The following PDE8B variants were observed in gnomAD, a reference collection of about 807,000 sequenced individuals.
The protein encoded by PDE8B is high affinity cAMP-specific and IBMX-insensitive 3',5'-cyclic phosphodiesterase 8B.
In PDE8B, 26 loss-of-function variants were observed where a neutral mutation model predicts 101.3. The observed-to-expected ratio is 0.26, with a 90% CI of 0.19 to 0.36. The LOEUF (loss-of-function observed/expected upper bound fraction) is 0.36, where lower values mean the gene tolerates loss of function less well. Among genes scored for constraint, PDE8B ranks in the 10% least tolerant of loss-of-function variants. The probability of loss-of-function intolerance (pLI) is 1.00; values close to 1 mark genes in which losing one functional copy is unlikely to be tolerated. For synonymous variants in PDE8B, 424 were observed against 429.3 expected (o/e 0.99, Z 0.15); for missense variants, 810 against 1,163.1 (o/e 0.70, Z 4.42).
At position 77,323,074 on chromosome 5, in the gene PDE8B, A is replaced by G. The variant is rs561435571; in HGVS notation, c.400-2465A>G. On this transcript the variant is annotated intron_variant, in intron 2 of 21. Coordinates refer to ENST00000264917, the MANE Select transcript of PDE8B (RefSeq NM_003719.5). The stretch of plus-strand genomic sequence containing the variant: ...AAATGTTTCACCTTTTTTGACTTCT[A>G]GGTTTGGCATATTGAGTTTCTTGTG... 3.3e-4 allele frequency among the ~76,000 whole-genome samples: 50 copies of G among 152,340 alleles called. No homozygotes were observed. The South Asian group carries it at 9.5e-3, about 29-fold the overall frequency.
chr5:77,227,225 AT>A (rs1561377027), intron 1 of PDE8B, among the ~76,000 whole-genome samples: 1 of 152,186 alleles, frequency 6.6e-6, no homozygotes, highest in Non-Finnish European at 1.5e-5. Context: ...TATCTTTGTG[AT>A]AGAATCACAT....
chr5:77,291,364 C>T, intron 1 of PDE8B: 1 of 1,612,040 alleles, frequency 6.2e-7, no homozygotes, highest in East Asian at 2.2e-5. Flanking sequence ...GAAGGTAGCA[C>T]AGTGGTCTAT....
chr5:77,375,893 T>TC, intron 10 of PDE8B, among the ~76,000 whole-genome samples: 2 of 142,382 alleles, frequency 1.4e-5, no homozygotes, highest in Non-Finnish European at 3.1e-5. Context: ...TGATTTCTTT[T>TC]TTTTTTTTTT....
intron 2 of PDE8B, among the ~76,000 whole-genome samples, chr5:77,320,421 C>T (rs1774786542): frequency 6.6e-6 from 1 of 152,184 alleles, no homozygotes; most frequent in Non-Finnish European, 1.5e-5. Flanking sequence ...TCTGCATCTT[C>T]TCCTCTTTTG....
chr5:77,304,246 A>G (rs1013117691), intron 1 of PDE8B, among the ~76,000 whole-genome samples: 2 of 152,210 alleles, frequency 1.3e-5, no homozygotes, highest in Non-Finnish European at 2.9e-5. Context: ...AGTTGGATGT[A>G]AGATAGTATC....
intron 1 of PDE8B, among the ~76,000 whole-genome samples, chr5:77,237,474 C>T (rs1487625093): frequency 6.6e-6 from 1 of 151,980 alleles, no homozygotes; most frequent in African/African-American, 2.4e-5. Flanking sequence ...AACTTAGAAA[C>T]GATATTCTAT....
At chr5:77,398,622 G>C (rs911590488) in intron 10 of PDE8B, among the ~76,000 whole-genome samples, 1 of 152,136 alleles carries the variant, frequency 6.6e-6, no homozygotes, top group Non-Finnish European at 1.5e-5. Context: ...CGCCCGACCG[G>C]CTGTTTTACT....
chr5:77,320,247 G>A (rs144297065), intron 2 of PDE8B, among the ~76,000 whole-genome samples: 91 of 152,244 alleles, frequency 6.0e-4, no homozygotes, highest in Middle Eastern at 3.4e-3. Context: ...TACCCACTAC[G>A]TAAGTTTTCA....
chr5:77,136,345 C>T, the PDE8B span, among the ~76,000 whole-genome samples: 2 of 152,080 alleles, frequency 1.3e-5, 1 homozygote, highest in Admixed American at 1.3e-4. Context: ...TGTAAGGAAA[C>T]TTTTTCAAAT....
chr5:77,201,698 G>A, the PDE8B span, among the ~76,000 whole-genome samples: 5 of 152,084 alleles, frequency 3.3e-5, no homozygotes, highest in South Asian at 4.1e-4. Flanking sequence ...ATCTAATCAG[G>A]CACCAGATCC....
At chr5:77,242,399 G>A (rs1755949005) in intron 1 of PDE8B, among the ~76,000 whole-genome samples, 2 of 152,198 alleles carry the variant, frequency 1.3e-5, no homozygotes, top group East Asian at 3.9e-4. Context: ...ATGTTTTAAA[G>A]TATGTTTCAA....
chr5:77,109,200 T>G, the PDE8B span, among the ~76,000 whole-genome samples: 11 of 152,262 alleles, frequency 7.2e-5, no homozygotes, highest in South Asian at 2.1e-4. Flanking sequence ...TGTCACCACA[T>G]TATCTGCTTT....
chr5:77,271,212 T>C (rs892639570), intron 1 of PDE8B, among the ~76,000 whole-genome samples: 1 of 152,232 alleles, frequency 6.6e-6, no homozygotes, highest in African/African-American at 2.4e-5. Context: ...GTACATATGG[T>C]TCCTTTTCTT....
intron 1 of PDE8B, among the ~76,000 whole-genome samples, chr5:77,245,091 C>T (rs1756584033): frequency 1.3e-5 from 2 of 152,192 alleles, no homozygotes; most frequent in South Asian, 4.2e-4. Context: ...TTTTTAAAAA[C>T]AGCCAAAAAT....
intron 4 of PDE8B, among the ~76,000 whole-genome samples, chr5:77,329,836 TTCTGCGACAAAGGCCAGGAAAG>T (rs750189439): frequency 3.4e-4 from 51 of 152,218 alleles, no homozygotes; most frequent in Admixed American, 1.7e-3. Flanking sequence ...TTGGCACAAA[TTCTGCGACAAAGGCCAGGAAAG>T]TCTGGCCCAG....
At chr5:77,157,424 C>T in the PDE8B span, among the ~76,000 whole-genome samples, 2 of 152,178 alleles carry the variant, frequency 1.3e-5, no homozygotes, top group South Asian at 4.1e-4. Flanking sequence ...AAAGGAAATA[C>T]ATTGTTCAGG....
the PDE8B span, among the ~76,000 whole-genome samples, chr5:77,185,842 T>G: frequency 1.3e-5 from 2 of 152,316 alleles, no homozygotes; most frequent in East Asian, 3.9e-4. Flanking sequence ...TGGCATTGAC[T>G]GTAATGTGAA....
At chr5:77,091,447 C>T in the PDE8B span, among the ~76,000 whole-genome samples, 1 of 152,180 alleles carries the variant, frequency 6.6e-6, no homozygotes, top group Non-Finnish European at 1.5e-5. Context: ...CAAGACCAGC[C>T]TGACCAACAT....
In PDE8B at chr5:77,400,234, T is replaced by A; in HGVS notation, c.1168-14T>A. ...ATCTTTCTCTTGTTTTATCAAACTT[T>A]TGAACGACTTTAGATTCACAAGATT... On this transcript the variant is annotated splice_polypyrimidine_tract_variant and intron_variant, in intron 10 of 21. Coordinates refer to ENST00000264917, the MANE Select transcript of PDE8B (RefSeq NM_003719.5). The A allele has an allele frequency of 6.3e-7, 1 of 1,582,260 alleles. No homozygotes were observed. Among genetic ancestry groups the A allele is most frequent in the Non-Finnish European group, 8.7e-7 (1 of 1,150,970 alleles).
Sources: allele counts gnomAD v4.1 joint callset (sites outside exome capture counted in the v4.1 genomes callset), GRCh38; gene constraint gnomAD v4.1.1; transcripts MANE v1.5; gene names NCBI Gene and HGNC (gene_info 2026-07-23, HGNC 2026-07-21).